Variants in LMBR1L observed in about 807,000 individuals in gnomAD.
The protein encoded by LMBR1L is limb development membrane protein 1 like.
Under a neutral mutation model 67.3 loss-of-function variants are expected in LMBR1L, and 47 were observed. The observed-to-expected ratio is 0.70, with a 90% CI of 0.55 to 0.89. LMBR1L has a LOEUF of 0.89. Ranked by LOEUF, LMBR1L falls within the 40% of genes least tolerant of loss-of-function variation. The probability of loss-of-function intolerance (pLI) is 0.00; values close to 1 mark genes in which losing one functional copy is unlikely to be tolerated. For synonymous variants in LMBR1L, 247 were observed against 250.3 expected, an observed-to-expected ratio of 0.99 and a Z score of 0.13; for missense variants, 533 against 599.2, an observed-to-expected ratio of 0.89 and a Z score of 1.15.
chr12:49,103,648 T>G, intron 6 of LMBR1L, 39 bp downstream of exon 6: 1 of 1,582,426 alleles, frequency 6.3e-7, no homozygotes, highest in South Asian at 1.2e-5. Context: ...ATGGGCCAAC[T>G]GAAAAGCCAT....
chr12:49,106,991 G>T lies in LMBR1L; in HGVS notation c.127C>A (p.Arg43Ser). ...GTGAACTCAGCAGGCTTCTTGAAGC[G>T]GGTCAGGAAGATGTGGCAGAGGATG... is the stretch of plus-strand genomic sequence containing the variant. ...LYILCHIFLT[R>S]FKKPAEFTTV... The change falls in exon 2 of 17, where the codon CGC becomes AGC. Residue 43 changes from arginine (R) to serine (S), a missense_variant. Transcript: ENST00000267102. The T allele has an allele frequency of 6.2e-7, 1 of 1,613,458 alleles. No homozygotes were observed. The highest frequency in any genetic ancestry group is 1.1e-5 in the South Asian group (1 of 91,072).
At chr12:49,101,949 T>C in intron 11 of LMBR1L, 171 bp downstream of exon 11, 1 of 615,244 alleles carries the variant, frequency 1.6e-6, no homozygotes, top group Non-Finnish European at 2.9e-6. Context: ...AAAATGGGGA[T>C]TGATGTGCTC....
chr12:49,098,604 C>T (rs1213528678), intron 15 of LMBR1L, among the ~76,000 whole-genome samples: 2 of 152,176 alleles, frequency 1.3e-5, no homozygotes, highest in Non-Finnish European at 2.9e-5. Flanking sequence ...GTGCCAGGCA[C>T]TATTCTAACA....
intron 12 of LMBR1L, 27 bp from the exon 13 acceptor site, chr12:49,101,350 A>G (rs1334728632): frequency 6.2e-7 from 1 of 1,611,824 alleles, no homozygotes; most frequent in Non-Finnish European, 8.5e-7. Flanking sequence ...TATCACTGTG[A>G]GCATTCCCCA....
At chr12:49,107,597 C>A (rs1941064215) in intron 1 of LMBR1L, among the ~76,000 whole-genome samples, 1 of 152,166 alleles carries the variant, frequency 6.6e-6, no homozygotes, top group Non-Finnish European at 1.5e-5. Context: ...TATTCAGGGG[C>A]CTGAAAGATC....
intron 2 of LMBR1L, 96 bp downstream of exon 2, chr12:49,106,865 C>A: frequency 9.5e-7 from 1 of 1,055,568 alleles, no homozygotes; most frequent in Non-Finnish European, 1.5e-6. Flanking sequence ...CCCCACACAG[C>A]CACTGCTCCT....
chr12:49,100,831 G>A (rs1449262683), intron 13 of LMBR1L, 185 bp from the exon 14 acceptor site: 8 of 605,456 alleles, frequency 1.3e-5, no homozygotes, highest in South Asian at 1.0e-4. Context: ...GGGCTTAAGC[G>A]ATCTTCCCAC....
At chr12:49,105,105 G>C in intron 3 of LMBR1L, 1 of 537,370 alleles carries the variant, frequency 1.9e-6, no homozygotes, top group Non-Finnish European at 3.3e-6. Context: ...GCACAGCCTC[G>C]GGCATTCATG....
At position 49,104,279 on chromosome 12, in the gene LMBR1L, C is replaced by T. The variant is rs143835540; in HGVS notation, c.435+169G>A. On this transcript the variant is annotated intron_variant, in intron 5 of 16. Coordinates refer to ENST00000267102, the MANE Select transcript of LMBR1L (RefSeq NM_018113.4). ...TATTAGTGGGTTCTAGAAACCATTT[C>T]CTCCCTTTGTCCCTACAGGCCTAAG... 4.8e-3 allele frequency: 3,033 copies of T among 638,518 alleles called. 16 individuals are homozygous for T. Among genetic ancestry groups the T allele is most frequent in the South Asian group, 8.5e-3 (448 of 52,758 alleles). 39.6% of individuals were successfully genotyped at this position (638,518 alleles called of 1,614,324 possible).
chr12:49,102,423 C>T, intron 9 of LMBR1L, 45 bp downstream of exon 9: 2 of 1,613,666 alleles, frequency 1.2e-6, no homozygotes, highest in Non-Finnish European at 1.7e-6. Context: ...GCAGTTTCTG[C>T]CCAGGCCAAG....
intron 2 of LMBR1L, chr12:49,106,225 C>A (rs769178695): frequency 1.9e-6 from 1 of 536,842 alleles, no homozygotes; most frequent in African/African-American, 1.9e-5. Flanking sequence ...TCTCCCATCA[C>A]AAGTTCCTCT....
At position 49,104,807 on chromosome 12, in the gene LMBR1L, C is replaced by T; in HGVS notation, c.270G>A (p.Glu90=). The T allele has an allele frequency of 6.2e-7, 1 of 1,613,898 alleles. No individual in the cohort carries two copies. Among genetic ancestry groups the T allele is most frequent in the Non-Finnish European group, 8.5e-7 (1 of 1,179,934 alleles). Residue 90 remains glutamate, a synonymous_variant, in exon 4 of 17, where the codon GAG becomes GAA. Transcript: ENST00000267102. ...LLLPFSIISN[E]VLLSLPRNYY... The stretch of plus-strand genomic sequence containing the variant: ...AGTTCCGAGGCAGGGAGAGCAGCAC[C>T]TCATTGCTGATGATGGAGAAGGGCA...
chr12:49,104,971 T>G, intron 3 of LMBR1L, 86 bp from the exon 4 acceptor site: 1 of 1,436,188 alleles, frequency 7.0e-7, no homozygotes, highest in Admixed American at 2.0e-5. Flanking sequence ...TGAGGGCGCC[T>G]GTGGCTTCCA....
intron 2 of LMBR1L, 48 bp downstream of exon 2, chr12:49,106,913 G>T: frequency 7.2e-7 from 1 of 1,393,148 alleles, no homozygotes; most frequent in Non-Finnish European, 1.0e-6. Context: ...CCCTGAGGCT[G>T]GTCCATGGCA....
chr12:49,105,983 C>G lies in LMBR1L; in HGVS notation c.158-26G>C, dbSNP rs11836714. Reference sequence around the variant, plus strand: ...CTGTAAGAGACAGAGGCACGGGGAACAGGCAGGAGGACATCAGGGGGCAGC... The same window carrying G: ...CTGTAAGAGACAGAGGCACGGGGAAGAGGCAGGAGGACATCAGGGGGCAGC... On this transcript the variant is annotated intron_variant, in intron 2 of 16. Transcript: ENST00000267102. The G allele has an allele frequency of 4.9e-3, 7,816 of 1,610,194 alleles. 327 individuals carry two copies. In the African/African-American group the frequency reaches 0.09, roughly 19 times the overall value.
In LMBR1L at chr12:49,108,508, G is replaced by A. The variant is rs1263513011; in HGVS notation, c.73-1463C>T. Among the ~76,000 whole-genome samples, 6 of 147,562 alleles carry A rather than the reference G, an allele frequency of 4.1e-5. No individual in the cohort carries two copies. The South Asian group carries it at 8.6e-4, about 21-fold the overall frequency. The stretch of plus-strand genomic sequence containing the variant: ...ACCCGGGAGGCGGAGGTTGTAGTGA[G>A]CCGAGATTGTGCCACTGCACTCCAG... On this transcript the variant is annotated intron_variant, in intron 1 of 16. Transcript: ENST00000267102.
At position 49,110,357 on chromosome 12, in the gene LMBR1L, G is replaced by A. The variant is rs573543433; in HGVS notation, c.72+127C>T. On this transcript the variant is annotated intron_variant, in intron 1 of 16. Coordinates refer to ENST00000267102, the MANE Select transcript of LMBR1L (RefSeq NM_018113.4). Reference sequence around the variant, plus strand: ...CGGGCACCCGCCCTTCTGCCCGGACGGAGGCCTCCGTCGCCCGCCGCTGGC... The same window carrying A: ...CGGGCACCCGCCCTTCTGCCCGGACAGAGGCCTCCGTCGCCCGCCGCTGGC... 9 of 842,382 alleles carry A rather than the reference G, an allele frequency of 1.1e-5. 1 individual carries two copies. The highest frequency in any genetic ancestry group is 3.2e-4 in the Middle Eastern group (1 of 3,098). 52.2% of individuals were successfully genotyped at this position (842,382 alleles called of 1,614,324 possible).
In LMBR1L at chr12:49,101,534, T is replaced by C. The variant is rs1047775230; in HGVS notation, c.946A>G (p.Ile316Val). The change falls in exon 12 of 17, where the codon ATT (isoleucine) becomes GTT (valine). Residue 316 changes from isoleucine to valine, a missense_variant. By Grantham distance (29) the Ile-to-Val change is conservative. Transcript: ENST00000267102. ...LLVLTGLSVLIVAIHILELLI... is the reference protein window; with the variant it reads ...LLVLTGLSVLVVAIHILELLI... ...AGCTCCAGGATGTGGATGGCCACAA[T>C]GAGCACAGACAGGCCCTGTGTGAGG... 164 of 1,613,524 alleles carry C rather than the reference T, an allele frequency of 1.0e-4. No homozygotes were observed. The highest frequency in any genetic ancestry group is 1.4e-4 in the Non-Finnish European group (163 of 1,179,790).
intron 8 of LMBR1L, 139 bp downstream of exon 8, chr12:49,102,748 G>A (rs1592210027): frequency 2.3e-6 from 2 of 886,174 alleles, no homozygotes; most frequent in South Asian, 3.1e-5. Flanking sequence ...CATGATAGGG[G>A]TACAGAATAC....
Sources: gnomAD v4.1 joint callset for allele counts (sites outside exome capture counted in the v4.1 genomes callset) on GRCh38, gnomAD v4.1.1 for gene constraint, MANE v1.5 for transcripts, NCBI Gene and HGNC (gene_info 2026-07-23, HGNC 2026-07-21) for gene names.